The following DMD variants were observed in gnomAD, a reference collection of about 807,000 sequenced individuals.
DMD encodes mutant dystrophin.
DMD carries 63 observed loss-of-function variants against 330.1 expected under a neutral mutation model. That is an observed-to-expected ratio of 0.19 (90% CI 0.16 to 0.24). The LOEUF is 0.24. DMD is among the 10% of genes least tolerant of loss of function. DMD has a pLI of 1.00. For missense variants in DMD, 3,344 were observed against 2,684.1 expected, an observed-to-expected ratio of 1.25 and a Z score of -5.43; for synonymous variants, 1,223 against 959.8, an observed-to-expected ratio of 1.27 and a Z score of -5.07.
rs754134199 is a variant in DMD, at chrX:32,596,109, C to G, written c.1483-233G>C. 3.4e-3 allele frequency among the ~76,000 whole-genome samples: 377 copies of G among 111,001 alleles called. 1 individual carries two copies. The highest frequency in any genetic ancestry group is 0.011 in the African/African-American group (351 of 30,567). On this transcript the variant is annotated intron_variant, in intron 12 of 78. Coordinates refer to ENST00000357033, the MANE Select transcript of DMD (RefSeq NM_004006.3). ...GAGAAGACAAATGTTAAGAAAGGTA[C>G]AGCAGGATGTTCTCCTTCTCATCCC... is the stretch of plus-strand genomic sequence containing the variant.
chrX:31,546,955 C>T (rs921255476), intron 55 of DMD, among the ~76,000 whole-genome samples: 1 of 112,279 alleles, frequency 8.9e-6, no homozygotes, highest in Non-Finnish European at 1.9e-5. Context: ...TTTTCCTTTC[C>T]CACTGTTAAA....
At chrX:32,747,544 G>A (rs1484984711) in intron 7 of DMD, among the ~76,000 whole-genome samples, 2 of 112,241 alleles carry the variant, frequency 1.8e-5, no homozygotes, top group Non-Finnish European at 3.8e-5. Context: ...GCAGTGGCAT[G>A]ATCATGCACT....
intron 1 of DMD, among the ~76,000 whole-genome samples, chrX:33,153,670 C>A (rs908515119): frequency 1.1e-4 from 12 of 111,951 alleles, no homozygotes; most frequent in Admixed American, 1.0e-3. Flanking sequence ...TAAAGAAATT[C>A]TGTTAAAAGC....
At chrX:32,734,854 C>A (rs1368837086) in intron 7 of DMD, among the ~76,000 whole-genome samples, 2 of 103,106 alleles carry the variant, frequency 1.9e-5, no homozygotes, top group African/African-American at 7.5e-5. Context: ...AAAACTGGCA[C>A]AAGACAGGGA....
intron 16 of DMD, among the ~76,000 whole-genome samples, chrX:32,554,859 AG>A (rs2050028285): frequency 1.3e-5 from 1 of 77,187 alleles, no homozygotes; most frequent in African/African-American, 4.2e-5. Flanking sequence ...AGAGAGAGAG[AG>A]AGAGAGAGAG....
chrX:32,547,714 T>C (rs1260089205), intron 16 of DMD, among the ~76,000 whole-genome samples: 5 of 111,065 alleles, frequency 4.5e-5, no homozygotes, highest in African/African-American at 1.6e-4. Context: ...CATTAGGAAA[T>C]ATAGACAGGA....
chrX:32,285,696 TTTTG>T lies in DMD; in HGVS notation c.6290+1829_6290+1832del, dbSNP rs1428260745. The stretch of plus-strand genomic sequence containing the variant: ...CAAGGAAGTTGAGATAAATCTGTTT[TTTTG>T]TTTTGTTTTGTTTTGTTTGAGACGG... On this transcript the variant is annotated intron_variant, in intron 43 of 78. Coordinates refer to ENST00000357033, the MANE Select transcript of DMD (RefSeq NM_004006.3). Among the ~76,000 whole-genome samples, 16 of 110,377 alleles carry T rather than the reference TTTTG, an allele frequency of 1.4e-4. No homozygotes were observed. In the South Asian group the frequency reaches 1.6e-3, roughly 11 times the overall value.
At chrX:33,096,581 C>CTGCA (rs1350406594) in intron 1 of DMD, among the ~76,000 whole-genome samples, 1 of 107,856 alleles carries the variant, frequency 9.3e-6, no homozygotes, top group Admixed American at 1.0e-4. Flanking sequence ...TCTTGGCTCA[C>CTGCA]TGCAACCTCT....
Position 31,793,829 on chromosome X carries a change from T to C in DMD, c.7310-19637A>G, listed in dbSNP as rs187824337. On this transcript the variant is annotated intron_variant, in intron 50 of 78. Coordinates refer to ENST00000357033, the MANE Select transcript of DMD (RefSeq NM_004006.3). ...AGATTGGGACCCTCTGTATATTTCT[T>C]TATTTCTCAGGCCCTTGACAAAAGG... is the stretch of plus-strand genomic sequence containing the variant. Among the ~76,000 whole-genome samples, 4 of 112,302 alleles carry C rather than the reference T, an allele frequency of 3.6e-5. No homozygotes were observed. The East Asian group carries it at 1.1e-3, about 31-fold the overall frequency.
In DMD at chrX:32,495,783, A is replaced by T. The variant is rs543894449; in HGVS notation, c.2381-4265T>A. On this transcript the variant is annotated intron_variant, in intron 19 of 78. Coordinates refer to ENST00000357033, the MANE Select transcript of DMD (RefSeq NM_004006.3). ...TCAATGGAAAATTTTAACTTTTCTAAGAGTTTGTAAGTGTAAATATCTGAA... is the reference window on the plus strand; with the variant it reads ...TCAATGGAAAATTTTAACTTTTCTATGAGTTTGTAAGTGTAAATATCTGAA... Among the ~76,000 whole-genome samples the T allele has an allele frequency of 6.4e-4, 72 of 111,894 alleles. No homozygotes were observed. The South Asian group carries it at 0.018, about 28-fold the overall frequency.
intron 44 of DMD, among the ~76,000 whole-genome samples, chrX:32,039,008 T>C (rs1312207269): frequency 1.8e-5 from 2 of 111,341 alleles, no homozygotes; most frequent in East Asian, 5.7e-4. Flanking sequence ...TGTCTGTGTG[T>C]GTATGTGTGT....
intron 2 of DMD, among the ~76,000 whole-genome samples, chrX:32,897,814 TTTAA>T (rs1267103169): frequency 8.9e-6 from 1 of 112,017 alleles, no homozygotes; most frequent in Non-Finnish European, 1.9e-5. Context: ...CAACCATTTT[TTTAA>T]TTAGTCTTCC....
Position 32,432,319 on chromosome X carries a change from A to C in DMD, c.4071+5922T>G, listed in dbSNP as rs190380199. On this transcript the variant is annotated intron_variant, in intron 29 of 78. Coordinates refer to ENST00000357033, the MANE Select transcript of DMD (RefSeq NM_004006.3). Reference sequence around the variant, plus strand: ...TCCATCAAATGACTTAATTCACCTAAAATTGGGGTTCCCAGTCTTAGCTTT... The same window carrying C: ...TCCATCAAATGACTTAATTCACCTACAATTGGGGTTCCCAGTCTTAGCTTT... 4.3e-3 allele frequency among the ~76,000 whole-genome samples: 486 copies of C among 111,756 alleles called. 3 individuals are homozygous for C. The highest frequency in any genetic ancestry group is 7.5e-3 in the Non-Finnish European group (400 of 53,178).
At chrX:32,136,586 C>G (rs1156450938) in intron 44 of DMD, among the ~76,000 whole-genome samples, 1 of 107,630 alleles carries the variant, frequency 9.3e-6, no homozygotes, top group Non-Finnish European at 2.0e-5. Context: ...CAAAACAAAA[C>G]AAAACAAAAC....
chrX:31,269,536 C>T (rs1039824704), intron 62 of DMD, among the ~76,000 whole-genome samples: 1 of 111,662 alleles, frequency 9.0e-6, no homozygotes, highest in African/African-American at 3.3e-5. Flanking sequence ...AAGACTCATG[C>T]GCTTAGCTAT....
chrX:31,768,478 CTTCT>C (rs1355635034), intron 51 of DMD, among the ~76,000 whole-genome samples: 1 of 108,247 alleles, frequency 9.2e-6, no homozygotes, highest in Non-Finnish European at 1.9e-5. Flanking sequence ...TCCTCTCTTC[CTTCT>C]TTTTTTCCCT....
intron 50 of DMD, among the ~76,000 whole-genome samples, chrX:31,774,942 G>A (rs2090567720): frequency 9.0e-6 from 1 of 111,380 alleles, no homozygotes; most frequent in Non-Finnish European, 1.9e-5. Context: ...TATGGTAATG[G>A]TTAAGATGCA....
intron 7 of DMD, among the ~76,000 whole-genome samples, chrX:32,737,273 T>A (rs941394444): frequency 3.6e-5 from 4 of 111,428 alleles, no homozygotes; most frequent in Non-Finnish European, 7.5e-5. Context: ...CTTATTTACA[T>A]CCAGATTTCA....
intron 55 of DMD, among the ~76,000 whole-genome samples, chrX:31,612,425 G>A (rs891294107): frequency 8.0e-5 from 9 of 111,868 alleles, no homozygotes; most frequent in Non-Finnish European, 1.1e-4. Context: ...TTCAGAAAGG[G>A]CATTCCTGGG....
Sources: gnomAD v4.1 joint callset for allele counts (sites outside exome capture counted in the v4.1 genomes callset) on GRCh38, gnomAD v4.1.1 for gene constraint, MANE v1.5 for transcripts, NCBI Gene and HGNC (gene_info 2026-07-23, HGNC 2026-07-21) for gene names.